The following PCDHGB3 variants were observed in gnomAD, a reference collection of about 807,000 sequenced individuals.
The protein encoded by PCDHGB3 is protocadherin gamma subfamily B, 3, also known as protocadherin gamma-B3.
Under a neutral mutation model 59.2 loss-of-function variants are expected in PCDHGB3, and 40 were observed. The ratio of observed to expected loss-of-function variants is 0.68; its 90% CI spans 0.52 to 0.88. The LOEUF is 0.88. Among genes scored for constraint, PCDHGB3 ranks in the 40% least tolerant of loss-of-function variants. The pLI, the probability that PCDHGB3 is intolerant of heterozygous loss-of-function variation, is 0.00. For synonymous variants in PCDHGB3, 581 were observed against 503.6 expected (o/e 1.15, Z -2.06); for missense variants, 1,309 against 1,187.9 (o/e 1.10, Z -1.50).
Position 141,370,305 on chromosome 5 carries a change from G to A in PCDHGB3, c.-90G>A. 2.5e-6 allele frequency: 3 copies of A among 1,206,280 alleles called. No homozygotes were observed. The highest frequency in any genetic ancestry group is 3.3e-5 in the South Asian group (2 of 61,048). 74.7% of individuals were successfully genotyped at this position (1,206,280 alleles called of 1,614,324 possible). A position where few individuals can be genotyped will look rare whatever the true frequency, so the allele number is the denominator to read the frequency against. On this transcript the variant is annotated 5_prime_UTR_variant, in exon 1 of 4. Transcript: ENST00000576222. ...TAGAGAACCCAAGCACAAAGACAAA[G>A]CAAATAGTTGGTCCTGCTCGGAGAA... is the stretch of plus-strand genomic sequence containing the variant.
intron 1 of PCDHGB3, chr5:141,413,647 C>T (rs1371772412): frequency 1.2e-6 from 2 of 1,613,880 alleles, no homozygotes; most frequent in Non-Finnish European, 1.7e-6. Context: ...GCGTTTTCCT[C>T]TCCCGGAAGC....
intron 1 of PCDHGB3, 106 bp from the exon 2 acceptor site, chr5:141,494,701 C>T: frequency 6.3e-7 from 1 of 1,594,596 alleles, no homozygotes; most frequent in Admixed American, 1.7e-5. Flanking sequence ...CCGTTTTCTT[C>T]TCTGTGCCCA....
At chr5:141,392,965 A>C in intron 1 of PCDHGB3, 1 of 1,613,890 alleles carries the variant, frequency 6.2e-7, no homozygotes, top group East Asian at 2.2e-5. Context: ...ATCTCCAAGG[A>C]CCTGGGGCTG....
intron 2 of PCDHGB3, among the ~76,000 whole-genome samples, chr5:141,502,564 C>T (rs2099815067): frequency 1.3e-5 from 2 of 151,774 alleles, no homozygotes; most frequent in East Asian, 1.9e-4. Context: ...CCAGATCTCT[C>T]CATTATAAAA....
At position 141,431,052 on chromosome 5, in the gene PCDHGB3, G is replaced by A. The variant is rs148326556; in HGVS notation, c.2415+58243G>A. On this transcript the variant is annotated intron_variant, in intron 1 of 3. Transcript: ENST00000576222. The surrounding 1 kb of genome is among the most constrained non-coding windows in gnomAD (Gnocchi z 4.8). Reference sequence around the variant, plus strand: ...ATAGACCGGGAGGAGCTCTGTATGGGGGCCATCAAGTGTCAATTAAATCTA... The same window carrying A: ...ATAGACCGGGAGGAGCTCTGTATGGAGGCCATCAAGTGTCAATTAAATCTA... 2 of 1,614,228 alleles carry A rather than the reference G, an allele frequency of 1.2e-6. No individual in the cohort carries two copies. The highest frequency in any genetic ancestry group is 1.7e-6 in the Non-Finnish European group (2 of 1,180,044).
intron 1 of PCDHGB3, chr5:141,413,123 AAACACAC>A (rs2095606041): frequency 2.0e-6 from 3 of 1,526,818 alleles, no homozygotes; most frequent in Middle Eastern, 3.6e-4. Context: ...GAACCGGTTG[AAACACAC>A]AACGTGTCCA....
chr5:141,420,255 A>G lies in PCDHGB3; in HGVS notation c.2415+47446A>G, dbSNP rs917458059. The G allele has an allele frequency of 7.6e-6, 12 of 1,569,630 alleles. No homozygotes were observed. Among genetic ancestry groups the G allele is most frequent in the African/African-American group, 1.4e-5 (1 of 73,152 alleles). ...ATTTTAACTCCCAGCGTTGAAGCAG[A>G]TAAGAAGATTCTTAAACAGGTAAGT... is the stretch of plus-strand genomic sequence containing the variant. On this transcript the variant is annotated intron_variant, in intron 1 of 3. Coordinates refer to ENST00000576222, the MANE Select transcript of PCDHGB3 (RefSeq NM_018924.5).
At chr5:141,393,889 A>T (rs771844364) in intron 1 of PCDHGB3, 3 of 1,613,998 alleles carry the variant, frequency 1.9e-6, no homozygotes, top group Admixed American at 3.3e-5. Flanking sequence ...GTGTTAGAAA[A>T]TTCTCTTCCC....
intron 1 of PCDHGB3, chr5:141,393,135 A>T: frequency 6.2e-7 from 1 of 1,613,294 alleles, no homozygotes; most frequent in Non-Finnish European, 8.5e-7. Context: ...AAATATTAAC[A>T]CCCTGGTTGA....
chr5:141,384,864 A>G (rs202180798), intron 1 of PCDHGB3: 3 of 1,613,702 alleles, frequency 1.9e-6, no homozygotes, highest in Non-Finnish European at 2.5e-6. Flanking sequence ...CTCCTCTGTC[A>G]GCCACCGTCA....
At chr5:141,422,696 ACT>A in intron 1 of PCDHGB3, 1 of 1,602,756 alleles carries the variant, frequency 6.2e-7, no homozygotes, top group Non-Finnish European at 8.5e-7. Flanking sequence ...CTGGTCACTT[ACT>A]CTCTGACGGA....
At chr5:141,374,518 C>G (rs766036470) in intron 1 of PCDHGB3, 9 of 1,612,422 alleles carry the variant, frequency 5.6e-6, no homozygotes, top group African/African-American at 1.3e-5. Flanking sequence ...TTCTCGAAAA[C>G]GCAGCTCCAT....
intron 1 of PCDHGB3, chr5:141,408,518 T>G: frequency 6.2e-7 from 1 of 1,614,012 alleles, no homozygotes; most frequent in Non-Finnish European, 8.5e-7. Flanking sequence ...TGAGTTGCAA[T>G]TGGAAGCTGT....
intron 1 of PCDHGB3, chr5:141,423,468 A>G (rs1474468597): frequency 6.2e-7 from 1 of 1,613,960 alleles, no homozygotes; most frequent in Admixed American, 1.7e-5. Flanking sequence ...TGGACGGGGT[A>G]CAGGCTTTCC....
At position 141,487,943 on chromosome 5, in the gene PCDHGB3, A is replaced by C. The variant is rs2099669443; in HGVS notation, c.2416-6864A>C. ...TACAGTGCACAGGGTACAGTGCACCAGGCAGTCACTTGGACAAAGGTGGCT... is the reference window on the plus strand; with the variant it reads ...TACAGTGCACAGGGTACAGTGCACCCGGCAGTCACTTGGACAAAGGTGGCT... On this transcript the variant is annotated intron_variant, in intron 1 of 3. Coordinates refer to ENST00000576222, the MANE Select transcript of PCDHGB3 (RefSeq NM_018924.5). The surrounding 1 kb of genome is among the most constrained non-coding windows in gnomAD (Gnocchi z 5.0). Among the ~76,000 whole-genome samples, 1 of 152,220 alleles carries C rather than the reference A, an allele frequency of 6.6e-6. No homozygotes were observed.
intron 1 of PCDHGB3, chr5:141,421,202 C>A: frequency 1.3e-6 from 2 of 1,519,344 alleles, no homozygotes; most frequent in Non-Finnish European, 1.8e-6. Flanking sequence ...CTCGAGAAAC[C>A]GCGGAATATC....
chr5:141,427,205 C>T lies in PCDHGB3; in HGVS notation c.2415+54396C>T, dbSNP rs73280903. 3.4e-3 allele frequency: 1,562 copies of T among 456,606 alleles called. 21 individuals carry two copies. Among genetic ancestry groups the T allele is most frequent in the African/African-American group, 0.028 (1,422 of 50,136 alleles). 28.3% of individuals were successfully genotyped at this position (456,606 alleles called of 1,614,324 possible). Reference sequence around the variant, plus strand: ...TTAAATCCAAAGACTTAATAGACTTCGAATTTCGTAGCAGTTATACCATGA... The same window carrying T: ...TTAAATCCAAAGACTTAATAGACTTTGAATTTCGTAGCAGTTATACCATGA... On this transcript the variant is annotated intron_variant, in intron 1 of 3. Transcript: ENST00000576222.
intron 1 of PCDHGB3, among the ~76,000 whole-genome samples, chr5:141,456,902 G>A (rs886945444): frequency 6.6e-6 from 1 of 152,294 alleles, no homozygotes; most frequent in South Asian, 2.1e-4. Flanking sequence ...GGCAGAGGTT[G>A]CAGTGAGCCG....
chr5:141,402,901 T>TG, intron 1 of PCDHGB3: 1 of 1,520,230 alleles, frequency 6.6e-7, no homozygotes, highest in Non-Finnish European at 8.8e-7. Context: ...AAGAACCTGA[T>TG]GAAGCAGCGC....
Sources: allele counts gnomAD v4.1 joint callset (sites outside exome capture counted in the v4.1 genomes callset), GRCh38; gene constraint gnomAD v4.1.1; non-coding constraint Gnocchi (gnomAD v3.1); transcripts MANE v1.5; gene names NCBI Gene and HGNC (gene_info 2026-07-23, HGNC 2026-07-21).